FANCM: variants seen among roughly 807,000 people sequenced by gnomAD.
FANCM encodes the protein Fanconi anemia group M protein.
A neutral mutation model predicts 199.5 loss-of-function variants in FANCM; 140 were observed. The observed-to-expected ratio is 0.70, with a 90% CI of 0.61 to 0.81. FANCM has a LOEUF of 0.81. Among genes scored for constraint, FANCM ranks in the 30% least tolerant of loss-of-function variants. The pLI is 0.00. For synonymous variants in FANCM, 840 were observed against 836.8 expected (o/e 1.00, Z -0.07); for missense variants, 2,410 against 2,421.4 (o/e 1.00, Z 0.10).
chr14:45,136,453 C>T lies in FANCM; in HGVS notation c.422C>T (p.Ala141Val), dbSNP rs774380823. 9 of 1,614,012 alleles carry T rather than the reference C, an allele frequency of 5.6e-6. No homozygotes were observed. The highest frequency in any genetic ancestry group is 4.0e-5 in the African/African-American group (3 of 74,908). ...WFPSGKVVFM[A>V]PTKPLVTQQI... ...CCTTCAGGAAAGGTGGTCTTCATGG[C>T]CCCAACGAAACCCTTGGTGACACAG... Residue 141 changes from alanine to valine, a missense_variant, in exon 1 of 23, where the codon GCC (alanine) becomes GTC (valine). Coordinates refer to ENST00000267430, the MANE Select transcript of FANCM (RefSeq NM_020937.4).
At chr14:45,159,777 C>A (rs1594778490) in intron 9 of FANCM, among the ~76,000 whole-genome samples, 1 of 151,918 alleles carries the variant, frequency 6.6e-6, no homozygotes, top group African/African-American at 2.4e-5. Context: ...TTTAAGGTAG[C>A]CTTATGCTCT....
At chr14:45,179,153 C>T (rs371094019) in intron 14 of FANCM, among the ~76,000 whole-genome samples, 5 of 152,040 alleles carry the variant, frequency 3.3e-5, no homozygotes, top group South Asian at 2.1e-4. Flanking sequence ...GAGCCGAGAT[C>T]GCGCCACTGT....
Position 45,168,728 on chromosome 14 carries a change from A to G in FANCM, c.2002+1565A>G, listed in dbSNP as rs1379386728. ...TAAAATATATACTAGTGTATTTACTATGTATTTTGCTAATGTATGCTAACT... is the reference window on the plus strand; with the variant it reads ...TAAAATATATACTAGTGTATTTACTGTGTATTTTGCTAATGTATGCTAACT... On this transcript the variant is annotated intron_variant, in intron 11 of 22. Coordinates refer to ENST00000267430, the MANE Select transcript of FANCM (RefSeq NM_020937.4). 3.4e-5 allele frequency among the ~76,000 whole-genome samples: 5 copies of G among 147,972 alleles called. No individual in the cohort carries two copies. In the South Asian group the frequency reaches 8.4e-4, roughly 25 times the overall value.
chr14:45,194,135 C>G (rs1337172004), intron 20 of FANCM, among the ~76,000 whole-genome samples: 1 of 151,944 alleles, frequency 6.6e-6, no homozygotes, highest in Non-Finnish European at 1.5e-5. Context: ...AACCCCATCT[C>G]TACTAAAAAT....
intron 8 of FANCM, among the ~76,000 whole-genome samples, chr14:45,158,668 CA>C (rs1333696462): frequency 6.6e-6 from 1 of 152,086 alleles, no homozygotes; most frequent in Admixed American, 6.5e-5. Context: ...AAATGATAGC[CA>C]TTATGCCTGA....
Position 45,187,447 on chromosome 14 carries a change from T to A in FANCM, c.4673-334T>A, listed in dbSNP as rs76706263. Among the ~76,000 whole-genome samples, 24 of 152,244 alleles carry A rather than the reference T, an allele frequency of 1.6e-4. 1 individual carries two copies. The East Asian group carries it at 4.6e-3, about 29-fold the overall frequency. Reference sequence around the variant, plus strand: ...CTAGATTTCTTATTTTTTTTGAAACTTCTATAAATCTGGTACAGTTTTAAG... The same window carrying A: ...CTAGATTTCTTATTTTTTTTGAAACATCTATAAATCTGGTACAGTTTTAAG... On this transcript the variant is annotated intron_variant, in intron 18 of 22. Coordinates refer to ENST00000267430, the MANE Select transcript of FANCM (RefSeq NM_020937.4).
At chr14:45,164,598 T>C (rs1417088413) in intron 10 of FANCM, 33 bp downstream of exon 10, 1 of 1,506,252 alleles carries the variant, frequency 6.6e-7, no homozygotes, top group Middle Eastern at 2.2e-4. Flanking sequence ...AATTTGACAC[T>C]TGAAATTTGA....
chr14:45,176,864 A>G lies in FANCM; in HGVS notation c.4110A>G (p.Leu1370=), dbSNP rs754309367. ...ATTCTAGTAAGGAAAAAGTAAACCT[A>G]CAAAGATTCAAAGAAGCATTGAATT... The part of the protein sequence containing the change: ...TPDSSKEKVN[L]QRFKEALNST... Residue 1370 remains leucine (L), a synonymous_variant, in exon 14 of 23, where the codon CTA becomes CTG. Transcript: ENST00000267430. 2.5e-6 allele frequency: 4 copies of G among 1,608,610 alleles called. No homozygotes were observed. Among genetic ancestry groups the G allele is most frequent in the South Asian group, 1.1e-5 (1 of 90,386 alleles).
Position 45,180,149 on chromosome 14 carries a change from A to G in FANCM, c.4223-1281A>G, listed in dbSNP as rs150601953. ...ATCTGTATTATTTATCTATTGCTGC[A>G]TAGCAAACTACCTGCAAAACTTAAC... On this transcript the variant is annotated intron_variant, in intron 14 of 22. Transcript: ENST00000267430. 5.4e-3 allele frequency among the ~76,000 whole-genome samples: 821 copies of G among 152,294 alleles called. 11 individuals carry two copies. The highest frequency in any genetic ancestry group is 0.019 in the African/African-American group (773 of 41,578).
chr14:45,160,491 T>A (rs573148858), intron 9 of FANCM, among the ~76,000 whole-genome samples: 66 of 145,262 alleles, frequency 4.5e-4, no homozygotes, highest in African/African-American at 1.3e-3. Flanking sequence ...CCCAGCTAAG[T>A]TTTTTTGTAT....
At chr14:45,196,617 CTAT>C in intron 21 of FANCM, 70 bp downstream of exon 21, 3 of 1,457,076 alleles carry the variant, frequency 2.1e-6, no homozygotes, top group South Asian at 2.3e-5. Flanking sequence ...GTTTATTCTT[CTAT>C]TATTAGGATG....
At chr14:45,171,498 C>T (rs931414804) in intron 12 of FANCM, among the ~76,000 whole-genome samples, 11 of 152,042 alleles carry the variant, frequency 7.2e-5, no homozygotes, top group Admixed American at 6.6e-5. Context: ...CCCGAGTCCA[C>T]GACAGAGTCC....
intron 7 of FANCM, 38 bp downstream of exon 7, chr14:45,154,860 T>C: frequency 6.3e-7 from 1 of 1,577,644 alleles, no homozygotes; most frequent in Non-Finnish European, 8.7e-7. Flanking sequence ...TTGTGTTGTG[T>C]TTCTTAATCA....
intron 18 of FANCM, among the ~76,000 whole-genome samples, chr14:45,187,073 G>A (rs1889445308): frequency 6.6e-6 from 1 of 152,130 alleles, no homozygotes; most frequent in Middle Eastern, 3.2e-3. Flanking sequence ...GGAGTCAGTA[G>A]GCTTGAGCAA....
intron 20 of FANCM, among the ~76,000 whole-genome samples, chr14:45,193,384 G>C (rs183436576): frequency 6.6e-6 from 1 of 152,238 alleles, no homozygotes; most frequent in East Asian, 1.9e-4. Flanking sequence ...TACTCCTAGT[G>C]CTCCCTCCCA....
chr14:45,152,815 C>G (rs1023204894), intron 5 of FANCM, among the ~76,000 whole-genome samples: 1 of 152,080 alleles, frequency 6.6e-6, no homozygotes, highest in Non-Finnish European at 1.5e-5. Flanking sequence ...AACTATTATA[C>G]CACGAAATGT....
intron 7 of FANCM, 46 bp from the exon 8 acceptor site, chr14:45,155,327 A>T (rs749573548): frequency 6.0e-6 from 5 of 832,950 alleles, no homozygotes; most frequent in Non-Finnish European, 1.0e-5. Flanking sequence ...GTAATTGAAT[A>T]TGGAAAAAAA....
intron 19 of FANCM, 150 bp downstream of exon 19, chr14:45,188,037 G>A: frequency 1.6e-6 from 1 of 638,362 alleles, no homozygotes; most frequent in East Asian, 2.8e-5. Context: ...CGACTAAATG[G>A]ATTCTCAAGA....
At position 45,136,275 on chromosome 14, in the gene FANCM, C is replaced by T. The variant is rs746349291; in HGVS notation, c.244C>T (p.Leu82=). ...CGGGTTCTGCACCTCCGCGGGCGCC[C>T]TGTGGATTTACCCTACCAATTGCCC... The part of the protein sequence containing the change: ...NGGFCTSAGA[L]WIYPTNCPVR... Residue 82 remains leucine, a synonymous_variant, in exon 1 of 23, where the codon CTG becomes TTG. Coordinates refer to ENST00000267430, the MANE Select transcript of FANCM (RefSeq NM_020937.4). The T allele has an allele frequency of 1.1e-5, 18 of 1,614,078 alleles. No homozygotes were observed. The highest frequency in any genetic ancestry group is 3.3e-5 in the South Asian group (3 of 91,096).
Sources: allele counts gnomAD v4.1 joint callset (sites outside exome capture counted in the v4.1 genomes callset), GRCh38; gene constraint gnomAD v4.1.1; transcripts MANE v1.5; gene names NCBI Gene and HGNC (gene_info 2026-07-23, HGNC 2026-07-21).